GPR39: variants seen among roughly 807,000 people sequenced by gnomAD.
GPR39 encodes zinc sensing receptor.
Under a neutral mutation model 18.4 loss-of-function variants are expected in GPR39, and 23 were observed. The observed-to-expected ratio is 1.25, with a 90% confidence interval of 0.90 to 1.77. GPR39 has a LOEUF of 1.77. GPR39 is among the 40% of genes most tolerant of loss of function. The probability of loss-of-function intolerance (pLI) is 0.00; values close to 1 mark genes in which losing one functional copy is unlikely to be tolerated. For missense variants in GPR39, 647 were observed against 602.4 expected, an observed-to-expected ratio of 1.07 and a Z score of -0.78; for synonymous variants, 280 against 257.9, an observed-to-expected ratio of 1.09 and a Z score of -0.82.
At chr2:132,504,124 C>T (rs917579699) in intron 1 of GPR39, among the ~76,000 whole-genome samples, 1 of 152,136 alleles carries the variant, frequency 6.6e-6, no homozygotes, top group Admixed American at 6.5e-5. Flanking sequence ...CTCAGCTTTC[C>T]TGGTATGTTC....
At position 132,423,975 on chromosome 2, in the gene GPR39, C is replaced by T. The variant is rs552975119; in HGVS notation, c.856+6077C>T. ...TGCATTCGTATAGAGGTTTATCATT[C>T]CTCAAAAGTGTTCTGGTTCATCTGA... is the stretch of plus-strand genomic sequence containing the variant. On this transcript the variant is annotated intron_variant, in intron 1 of 1. Coordinates refer to ENST00000329321, the MANE Select transcript of GPR39 (RefSeq NM_001508.3). Among the ~76,000 whole-genome samples the T allele has an allele frequency of 3.3e-5, 5 of 152,278 alleles. No homozygotes were observed. In the South Asian group the frequency reaches 1.0e-3, roughly 32 times the overall value.
chr2:132,467,132 C>T (rs921378192), intron 1 of GPR39, among the ~76,000 whole-genome samples: 1 of 152,050 alleles, frequency 6.6e-6, no homozygotes, highest in African/African-American at 2.4e-5. Flanking sequence ...CAAAGAGAAC[C>T]ATTACAATGT....
At position 132,485,593 on chromosome 2, in the gene GPR39, C is replaced by T. The variant is rs146372858; in HGVS notation, c.856+67695C>T. ...ATTGTCATTTCAACAATGCTTATAA[C>T]TTCCTCAGCAGGAGTAGATTTCATC... On this transcript the variant is annotated intron_variant, in intron 1 of 1. Transcript: ENST00000329321. 1.1e-3 allele frequency among the ~76,000 whole-genome samples: 171 copies of T among 152,338 alleles called. 1 individual carries two copies. The highest frequency in any genetic ancestry group is 3.9e-3 in the African/African-American group (161 of 41,574).
At chr2:132,535,824 T>A (rs1273576415) in intron 1 of GPR39, among the ~76,000 whole-genome samples, 1 of 151,998 alleles carries the variant, frequency 6.6e-6, no homozygotes, top group Non-Finnish European at 1.5e-5. Context: ...ATTTATCCGT[T>A]TCTTCTAGAT....
intron 1 of GPR39, among the ~76,000 whole-genome samples, chr2:132,469,133 G>A (rs1012329820): frequency 2.0e-5 from 3 of 152,194 alleles, no homozygotes. Flanking sequence ...ATTCCGTTGT[G>A]TCTTTCCCTT....
intron 1 of GPR39, among the ~76,000 whole-genome samples, chr2:132,537,347 G>A (rs998943394): frequency 2.6e-5 from 4 of 152,180 alleles, no homozygotes; most frequent in Non-Finnish European, 4.4e-5. Context: ...GACTGGATAT[G>A]AAATTCTGGG....
intron 1 of GPR39, among the ~76,000 whole-genome samples, chr2:132,523,279 G>A (rs184719387): frequency 1.2e-4 from 19 of 152,242 alleles, no homozygotes; most frequent in Admixed American, 2.6e-4. Flanking sequence ...TGTCACCATC[G>A]TTTCATAAAA....
Position 132,602,742 on chromosome 2 carries a change from T to A in GPR39, c.857-42359T>A, listed in dbSNP as rs1681064442. On this transcript the variant is annotated intron_variant, in intron 1 of 1. Transcript: ENST00000329321. ...TGGGCAAATGATTTGAATAGACATT[T>A]CTCTAAAAAAAAAGACACAAGTGGC... is the stretch of plus-strand genomic sequence containing the variant. 2.0e-5 allele frequency among the ~76,000 whole-genome samples: 3 copies of A among 150,830 alleles called. 1 individual carries two copies. The South Asian group carries it at 6.3e-4, about 32-fold the overall frequency.
intron 1 of GPR39, among the ~76,000 whole-genome samples, chr2:132,590,288 TGAGA>T (rs1046317947): frequency 6.6e-6 from 1 of 152,064 alleles, no homozygotes; most frequent in African/African-American, 2.4e-5. Context: ...GGAATGAGAA[TGAGA>T]GAGAAAGGTT....
intron 1 of GPR39, among the ~76,000 whole-genome samples, chr2:132,575,492 C>A (rs1382578860): frequency 6.6e-6 from 1 of 152,190 alleles, no homozygotes; most frequent in Non-Finnish European, 1.5e-5. Context: ...CTGCCTCAGC[C>A]TCCTGATGTG....
At chr2:132,583,382 C>T in intron 1 of GPR39, among the ~76,000 whole-genome samples, 1 of 143,386 alleles carries the variant, frequency 7.0e-6, no homozygotes, top group Non-Finnish European at 1.5e-5. Flanking sequence ...ACATATCCCT[C>T]AAAAAAAAAA....
chr2:132,482,240 T>C (rs1051252576), intron 1 of GPR39, among the ~76,000 whole-genome samples: 5 of 152,252 alleles, frequency 3.3e-5, no homozygotes, highest in African/African-American at 4.8e-5. Context: ...CTTCCTGTTT[T>C]AGGACATTTT....
chr2:132,617,908 C>T lies in GPR39; in HGVS notation c.857-27193C>T, dbSNP rs139056326. On this transcript the variant is annotated intron_variant, in intron 1 of 1. Coordinates refer to ENST00000329321, the MANE Select transcript of GPR39 (RefSeq NM_001508.3). ...GATAATGGAACAGGTTAAGCATTGA[C>T]CAAAATAGATGGAATTAACAGAGGC... 1.7e-3 allele frequency among the ~76,000 whole-genome samples: 265 copies of T among 152,234 alleles called. 3 individuals carry two copies. Among genetic ancestry groups the T allele is most frequent in the African/African-American group, 6.0e-3 (251 of 41,534 alleles).
chr2:132,474,842 C>T (rs953265228), intron 1 of GPR39, among the ~76,000 whole-genome samples: 1 of 152,168 alleles, frequency 6.6e-6, no homozygotes, highest in Admixed American at 6.5e-5. Context: ...TGGACAGCCG[C>T]CATAAAGAAT....
intron 1 of GPR39, among the ~76,000 whole-genome samples, chr2:132,480,556 G>C (rs1343437523): frequency 2.6e-5 from 4 of 152,114 alleles, no homozygotes; most frequent in Non-Finnish European, 4.4e-5. Context: ...ACTAGGGCAG[G>C]GACAGGAGGA....
At chr2:132,564,462 A>G (rs1285461907) in intron 1 of GPR39, among the ~76,000 whole-genome samples, 2 of 152,144 alleles carry the variant, frequency 1.3e-5, no homozygotes, top group East Asian at 1.9e-4. Context: ...TATGTTCAAA[A>G]TAATTTCTTT....
At chr2:132,590,015 CT>C (rs1680800416) in intron 1 of GPR39, among the ~76,000 whole-genome samples, 1 of 152,176 alleles carries the variant, frequency 6.6e-6, no homozygotes, top group Non-Finnish European at 1.5e-5. Flanking sequence ...AAAAACATGC[CT>C]TTGCAGAAAT....
chr2:132,469,741 C>T (rs1573617427), intron 1 of GPR39, among the ~76,000 whole-genome samples: 1 of 152,144 alleles, frequency 6.6e-6, no homozygotes, highest in African/African-American at 2.4e-5. Flanking sequence ...TCCAGAGGGC[C>T]CATTACTGTT....
intron 1 of GPR39, among the ~76,000 whole-genome samples, chr2:132,438,871 C>G (rs1180591501): frequency 2.6e-5 from 4 of 152,162 alleles, no homozygotes; most frequent in African/African-American, 9.7e-5. Context: ...TAGTCATTTC[C>G]TGGCTTCCAT....
Sources: allele counts gnomAD v4.1 joint callset (sites outside exome capture counted in the v4.1 genomes callset), GRCh38; gene constraint gnomAD v4.1.1; transcripts MANE v1.5; gene names NCBI Gene and HGNC (gene_info 2026-07-23, HGNC 2026-07-21).